CFAP61: variants seen among roughly 807,000 people sequenced by gnomAD.
CFAP61 encodes the protein cilia- and flagella-associated protein 61.
In CFAP61, 107 loss-of-function variants were observed where a neutral mutation model predicts 135.6. The ratio of observed to expected loss-of-function variants is 0.79; its 90% CI spans 0.67 to 0.93. CFAP61 has a LOEUF of 0.93. Among genes scored for constraint, CFAP61 ranks in the 40% least tolerant of loss-of-function variants. CFAP61 has a pLI of 0.00. For synonymous variants in CFAP61, 575 were observed against 578.5 expected, an observed-to-expected ratio of 0.99 and a Z score of 0.09; for missense variants, 1,507 against 1,556.2, an observed-to-expected ratio of 0.97 and a Z score of 0.53.
intron 17 of CFAP61, among the ~76,000 whole-genome samples, chr20:20,212,251 C>T (rs528492450): frequency 2.0e-5 from 3 of 152,110 alleles, no homozygotes; most frequent in Non-Finnish European, 4.4e-5. Context: ...ATCTCCAGGC[C>T]CCTGAGGACT....
In CFAP61 at chr20:20,164,159, C is replaced by T. The variant is rs2053632429; in HGVS notation, c.1136C>T (p.Pro379Leu). ...CCTGAAGAGCCCGTCCACTTCCGCC[C>T]CATCTACAGGGGAGCCTCAGCTGCT... Reference protein sequence around the residue: ...VLPEEPVHFRPIYRGASAAFC... With the variant: ...VLPEEPVHFRLIYRGASAAFC... Residue 379 changes from proline to leucine, a missense_variant, in exon 11 of 27, where the codon CCC becomes CTC. Pro to Leu is a moderately conservative substitution (Grantham distance 98). Transcript: ENST00000245957. 3.1e-6 allele frequency: 5 copies of T among 1,613,994 alleles called. No individual in the cohort carries two copies. The highest frequency in any genetic ancestry group is 1.6e-4 in the Middle Eastern group (1 of 6,082).
chr20:20,156,660 C>A (rs116195115), intron 9 of CFAP61, among the ~76,000 whole-genome samples: 2,682 of 152,176 alleles, frequency 0.018, 41 homozygotes, highest in Non-Finnish European at 0.024. Flanking sequence ...AAAACAGCTA[C>A]TATAACTAAT....
intron 21 of CFAP61, among the ~76,000 whole-genome samples, chr20:20,270,688 T>C (rs1462645565): frequency 6.6e-6 from 1 of 152,004 alleles, no homozygotes; most frequent in African/African-American, 2.4e-5. Context: ...TTCTTTTTTT[T>C]TTTTTTTTTA....
At chr20:20,337,616 GTGGGTGGA>G (rs199839867) in intron 25 of CFAP61, among the ~76,000 whole-genome samples, 69 of 2,892 alleles carry the variant, frequency 0.024, 15 homozygotes, top group Non-Finnish European at 0.2. Context: ...AGATGGGTGG[GTGGGTGGA>G]TGGATGGATG....
Position 20,055,362 on chromosome 20 carries a change from C to T in CFAP61, c.-36-1256C>T, listed in dbSNP as rs2044228426. ...AGCAGTATTTTTGCTTTATTTTCTA[C>T]CTAGAGCTTTGTGTAGAGAAAGCTT... On this transcript the variant is annotated intron_variant, in intron 1 of 26. Transcript: ENST00000245957. Among the ~76,000 whole-genome samples the T allele has an allele frequency of 5.9e-5, 9 of 152,252 alleles. No individual in the cohort carries two copies. The South Asian group carries it at 1.9e-3, about 32-fold the overall frequency.
At chr20:20,256,641 G>T (rs575756219) in intron 20 of CFAP61, among the ~76,000 whole-genome samples, 5 of 152,328 alleles carry the variant, frequency 3.3e-5, no homozygotes, top group African/African-American at 1.2e-4. Context: ...AAGCACTCCT[G>T]GAGGGCAGAA....
chr20:20,056,910 G>A (rs996838632), intron 2 of CFAP61, 114 bp downstream of exon 2: 1 of 903,336 alleles, frequency 1.1e-6, no homozygotes, highest in Non-Finnish European at 1.7e-6. Context: ...CTGAGGCCAG[G>A]AGTTCAAGAC....
chr20:20,317,033 T>G (rs548334791), intron 25 of CFAP61: 5 of 151,262 alleles, frequency 3.3e-5, no homozygotes, highest in African/African-American at 1.2e-4. Flanking sequence ...TGAGCCAGCA[T>G]GCCCGGCTAA....
chr20:20,328,842 G>A (rs549474441), intron 25 of CFAP61, among the ~76,000 whole-genome samples: 6 of 152,226 alleles, frequency 3.9e-5, no homozygotes, highest in East Asian at 1.9e-4. Context: ...ATGTCACCTC[G>A]TACCCGATAG....
At chr20:20,135,223 T>A (rs1002506377) in intron 8 of CFAP61, among the ~76,000 whole-genome samples, 10 of 152,148 alleles carry the variant, frequency 6.6e-5, no homozygotes, top group African/African-American at 2.4e-4. Context: ...CCCTAGAGCC[T>A]CTGGAGTGAG....
At chr20:20,085,963 T>C (rs1357178129) in intron 6 of CFAP61, among the ~76,000 whole-genome samples, 1 of 152,160 alleles carries the variant, frequency 6.6e-6, no homozygotes, top group Non-Finnish European at 1.5e-5. Flanking sequence ...GTTCCTGGAA[T>C]GTTCTAGGCT....
intron 18 of CFAP61, among the ~76,000 whole-genome samples, chr20:20,235,651 C>G (rs550929500): frequency 6.6e-6 from 1 of 152,206 alleles, no homozygotes; most frequent in African/African-American, 2.4e-5. Context: ...TTCCTCCCTG[C>G]GGAGGGAGGA....
chr20:20,074,527 A>G (rs1362298045), intron 4 of CFAP61, 149 bp downstream of exon 4: 6 of 674,172 alleles, frequency 8.9e-6, no homozygotes, highest in Non-Finnish European at 1.6e-5. Context: ...AATAGCAATG[A>G]TATTTCTGAA....
chr20:20,319,556 T>C (rs1009777445), intron 25 of CFAP61, among the ~76,000 whole-genome samples: 2 of 152,230 alleles, frequency 1.3e-5, no homozygotes, highest in African/African-American at 4.8e-5. Flanking sequence ...TTCCTCCTGC[T>C]CTGGCCATGT....
chr20:20,351,710 G>C (rs1225329703), intron 26 of CFAP61, among the ~76,000 whole-genome samples: 2 of 151,874 alleles, frequency 1.3e-5, no homozygotes, highest in Non-Finnish European at 2.9e-5. Context: ...TCTATACTGA[G>C]AGCTATAAAA....
At chr20:20,063,970 A>G (rs1466935049) in intron 2 of CFAP61, among the ~76,000 whole-genome samples, 3 of 151,438 alleles carry the variant, frequency 2.0e-5, no homozygotes, top group Admixed American at 1.3e-4. Context: ...AAATAACTCT[A>G]AGCTCATTAT....
At chr20:20,259,712 C>T (rs879419670) in intron 20 of CFAP61, 3 of 152,114 alleles carry the variant, frequency 2.0e-5, no homozygotes, top group African/African-American at 7.2e-5. Context: ...TCCAAGGACT[C>T]CTGCTTGTAT....
chr20:20,210,725 G>A lies in CFAP61; in HGVS notation c.1932+10823G>A, dbSNP rs565593396. 2.6e-5 allele frequency among the ~76,000 whole-genome samples: 4 copies of A among 152,338 alleles called. No homozygotes were observed. The East Asian group carries it at 7.7e-4, about 29-fold the overall frequency. On this transcript the variant is annotated intron_variant, in intron 17 of 26. Transcript: ENST00000245957. ...TTCCATTCATTATGAAGTGATTGGA[G>A]GTCAGTAGATGCATATAGAATAAAG...
chr20:20,151,829 C>CAAA lies in CFAP61; in HGVS notation c.952-7524_952-7522dup, dbSNP rs386393498. Among the ~76,000 whole-genome samples the CAAA allele has an allele frequency of 8.2e-4, 44 of 53,360 alleles. 1 individual carries two copies. Among genetic ancestry groups the CAAA allele is most frequent in the African/African-American group, 3.3e-3 (40 of 12,166 alleles). 35.0% of individuals were successfully genotyped at this position (53,360 alleles called of 152,430 possible). A position where few individuals can be genotyped will look rare whatever the true frequency, so the allele number is the denominator to read the frequency against. ...TGGGCGACAGAGCAAGACTCCGTCT[C>CAAA]AAAAAAAAAAAAAAAAAAAGAAGCT... is the stretch of plus-strand genomic sequence containing the variant. On this transcript the variant is annotated intron_variant, in intron 9 of 26. Coordinates refer to ENST00000245957, the MANE Select transcript of CFAP61 (RefSeq NM_015585.4).
Sources: allele counts gnomAD v4.1 joint callset (sites outside exome capture counted in the v4.1 genomes callset), GRCh38; gene constraint gnomAD v4.1.1; transcripts MANE v1.5; gene names NCBI Gene and HGNC (gene_info 2026-07-23, HGNC 2026-07-21).